DPP8: variants seen among roughly 807,000 people sequenced by gnomAD.
DPP8 encodes the protein DPP VIII.
In DPP8, 31 loss-of-function variants were observed where a neutral mutation model predicts 107.5. That is an observed-to-expected ratio of 0.29 (90% CI 0.22 to 0.39). The LOEUF (loss-of-function observed/expected upper bound fraction) is 0.39. Among genes scored for constraint, DPP8 ranks in the 10% least tolerant of loss-of-function variants. The probability of loss-of-function intolerance (pLI) is 1.00; values close to 1 mark genes in which losing one functional copy is unlikely to be tolerated. For missense variants in DPP8, 842 were observed against 1,076.1 expected, an observed-to-expected ratio of 0.78 and a Z score of 3.04; for synonymous variants, 381 against 356.6, an observed-to-expected ratio of 1.07 and a Z score of -0.77.
At chr15:65,447,987 C>T (rs1352142872) in intron 19 of DPP8, among the ~76,000 whole-genome samples, 1 of 152,080 alleles carries the variant, frequency 6.6e-6, no homozygotes, top group Non-Finnish European at 1.5e-5. Context: ...CAGTATTTTC[C>T]AGAAGGCCAA....
intron 5 of DPP8, among the ~76,000 whole-genome samples, chr15:65,494,326 T>C (rs374004): frequency 0.94 from 142,417 of 151,524 alleles, 66,933 homozygotes; most frequent in Admixed American, 0.96. Flanking sequence ...GTGATCCTCC[T>C]ACCTCGGCTC....
chr15:65,511,201 C>T (rs567959890), intron 2 of DPP8, among the ~76,000 whole-genome samples: 226 of 152,104 alleles, frequency 1.5e-3, no homozygotes, highest in Middle Eastern at 6.8e-3. Context: ...ATTAGAAAAA[C>T]CTAAATGCCA....
At chr15:65,507,413 C>G in intron 2 of DPP8, 58 bp from the exon 3 acceptor site, 1 of 1,110,926 alleles carries the variant, frequency 9.0e-7, no homozygotes, top group Non-Finnish European at 1.4e-6. Context: ...TTACTACAGT[C>G]ACAGTTGCAA....
At chr15:65,492,784 G>A (rs1355430577) in intron 5 of DPP8, among the ~76,000 whole-genome samples, 1 of 151,940 alleles carries the variant, frequency 6.6e-6, no homozygotes, top group Non-Finnish European at 1.5e-5. Context: ...TTTTTGTAGA[G>A]ATGAGGTCTC....
chr15:65,466,947 C>CT, intron 13 of DPP8, 124 bp downstream of exon 13: 2 of 1,426,124 alleles, frequency 1.4e-6, no homozygotes, highest in Non-Finnish European at 1.9e-6. Flanking sequence ...TGAAATTAAG[C>CT]TTTTTAAAGC....
intron 2 of DPP8, among the ~76,000 whole-genome samples, chr15:65,511,598 C>CTCA (rs2070775667): frequency 6.7e-6 from 1 of 148,322 alleles, no homozygotes; most frequent in African/African-American, 2.5e-5. Context: ...CATTAGTGTG[C>CTCA]CACTGCACTC....
chr15:65,515,828 A>T, intron 1 of DPP8: 1 of 784,032 alleles, frequency 1.3e-6, no homozygotes, highest in South Asian at 1.9e-5. Flanking sequence ...TAAGACTTTG[A>T]TCATTAAGAT....
intron 12 of DPP8, among the ~76,000 whole-genome samples, chr15:65,469,823 G>A (rs959149669): frequency 4.0e-5 from 6 of 151,726 alleles, no homozygotes; most frequent in East Asian, 1.9e-4. Context: ...GTGACAGAGC[G>A]AGACTCCATC....
chr15:65,514,948 G>A (rs540013960), intron 1 of DPP8, among the ~76,000 whole-genome samples: 1 of 152,290 alleles, frequency 6.6e-6, no homozygotes, highest in Non-Finnish European at 1.5e-5. Flanking sequence ...GAATAGGGCT[G>A]GGGAACAGAA....
intron 3 of DPP8, among the ~76,000 whole-genome samples, chr15:65,501,069 G>T (rs2069181535): frequency 6.6e-6 from 1 of 151,932 alleles, no homozygotes; most frequent in Non-Finnish European, 1.5e-5. Context: ...AGTAGAGACG[G>T]GGTTTCACCG....
In DPP8 at chr15:65,447,011, C is replaced by A. The variant is rs2063527833; in HGVS notation, c.2527-5G>T. The stretch of plus-strand genomic sequence containing the variant: ...GTGTCTCTCCTGAGGATAGATCTTA[C>A]CAACAACAAAAAATAAAGATACAAA... On this transcript the variant is annotated splice_polypyrimidine_tract_variant and splice_region_variant and intron_variant, in intron 19 of 19. Transcript: ENST00000300141. The A allele has an allele frequency of 6.5e-7, 1 of 1,546,852 alleles. No individual in the cohort carries two copies. Among genetic ancestry groups the A allele is most frequent in the South Asian group, 1.2e-5 (1 of 80,802 alleles).
At chr15:65,486,226 A>G (rs1403286842) in intron 7 of DPP8, among the ~76,000 whole-genome samples, 3 of 150,400 alleles carry the variant, frequency 2.0e-5, no homozygotes, top group Non-Finnish European at 4.4e-5. Flanking sequence ...ACATGGTGAA[A>G]CCCTGTTTCT....
At chr15:65,508,305 C>T (rs1198090126) in intron 2 of DPP8, among the ~76,000 whole-genome samples, 1 of 151,818 alleles carries the variant, frequency 6.6e-6, no homozygotes, top group African/African-American at 2.4e-5. Flanking sequence ...TAAAACTATA[C>T]TAATATTAAA....
chr15:65,513,385 T>G (rs1484966020), intron 1 of DPP8, among the ~76,000 whole-genome samples: 1 of 152,228 alleles, frequency 6.6e-6, no homozygotes, highest in Admixed American at 6.5e-5. Flanking sequence ...GCTAATTTTT[T>G]GTATTTTTAG....
At chr15:65,458,856 G>T (rs1256289313) in intron 15 of DPP8, 1 of 151,906 alleles carries the variant, frequency 6.6e-6, no homozygotes, top group Admixed American at 6.6e-5. Context: ...GTTATTATGT[G>T]CTATTAAAAG....
At chr15:65,449,479 G>A (rs1595838992) in intron 19 of DPP8, among the ~76,000 whole-genome samples, 1 of 151,100 alleles carries the variant, frequency 6.6e-6, no homozygotes, top group Admixed American at 6.6e-5. Flanking sequence ...GCACGATCTC[G>A]GCTCACTGCA....
intron 11 of DPP8, chr15:65,475,230 G>A: frequency 2.0e-6 from 1 of 509,748 alleles, no homozygotes; most frequent in Non-Finnish European, 3.6e-6. Flanking sequence ...CCTAAACTCA[G>A]TAGTTAGTTG....
At chr15:65,463,074 G>C (rs1228367212) in intron 15 of DPP8, among the ~76,000 whole-genome samples, 1 of 152,096 alleles carries the variant, frequency 6.6e-6, no homozygotes, top group Non-Finnish European at 1.5e-5. Context: ...AATTCACTAG[G>C]CTACCAAAGC....
intron 12 of DPP8, among the ~76,000 whole-genome samples, chr15:65,471,966 C>T (rs1382279380): frequency 6.6e-6 from 1 of 152,180 alleles, no homozygotes; most frequent in Non-Finnish European, 1.5e-5. Context: ...TAAATCCTGG[C>T]AGCATACCTC....
Sources: gnomAD v4.1 joint callset for allele counts (sites outside exome capture counted in the v4.1 genomes callset) on GRCh38, gnomAD v4.1.1 for gene constraint, MANE v1.5 for transcripts, NCBI Gene and HGNC (gene_info 2026-07-23, HGNC 2026-07-21) for gene names.